Variants in WWOX observed in about 807,000 individuals in gnomAD.
WWOX encodes the protein WW domain-containing oxidoreductase.
A neutral mutation model predicts 46.2 loss-of-function variants in WWOX; 69 were observed. That is an observed-to-expected ratio of 1.49 (90% confidence interval 1.23 to 1.82). The LOEUF is 1.82. Among genes scored for constraint, WWOX ranks in the 40% most tolerant of loss-of-function variants. The pLI, the probability that WWOX is intolerant of heterozygous loss-of-function variation, is 0.00. For missense variants in WWOX, 919 were observed against 542.6 expected, an observed-to-expected ratio of 1.69 and a Z score of -6.89; for synonymous variants, 359 against 202.6, an observed-to-expected ratio of 1.77 and a Z score of -6.56.
intron 6 of WWOX, among the ~76,000 whole-genome samples, chr16:78,389,726 A>G (rs2082139251): frequency 6.6e-6 from 1 of 152,046 alleles, no homozygotes; most frequent in East Asian, 1.9e-4. Context: ...TGACCACCGT[A>G]CTATACTGTG....
chr16:78,335,149 C>CCAGTCTAAACTAGTCTAAAGTTT (rs2080858806), intron 5 of WWOX, among the ~76,000 whole-genome samples: 1 of 151,946 alleles, frequency 6.6e-6, no homozygotes, highest in South Asian at 2.1e-4. Flanking sequence ...ACTTTAAGTT[C>CCAGTCTAAACTAGTCTAAAGTTT]CAGGGTACAT....
chr16:78,279,479 A>T (rs1474700774), intron 5 of WWOX, among the ~76,000 whole-genome samples: 1 of 152,158 alleles, frequency 6.6e-6, no homozygotes, highest in Non-Finnish European at 1.5e-5. Flanking sequence ...TTCTGAGGTT[A>T]ATTATTACCC....
At chr16:78,471,483 T>A (rs1240129182) in intron 8 of WWOX, among the ~76,000 whole-genome samples, 1 of 152,208 alleles carries the variant, frequency 6.6e-6, no homozygotes, top group Non-Finnish European at 1.5e-5. Flanking sequence ...TTCTCCATCG[T>A]TTGGATCTTT....
intron 8 of WWOX, among the ~76,000 whole-genome samples, chr16:79,068,040 G>A (rs180886751): frequency 6.6e-6 from 1 of 152,088 alleles, no homozygotes; most frequent in East Asian, 1.9e-4. Flanking sequence ...CCTTGGCCAT[G>A]GTCAGTCTTT....
rs151119153 is a variant in WWOX at position 78,763,733 on chromosome 16, A to G, written c.1056+330981A>G. ...TTTGGTATTCACGAGTTTTGTCTCA[A>G]TTCCTTTTGATTCTTCTTTTCACCC... On this transcript the variant is annotated intron_variant, in intron 8 of 8. Coordinates refer to ENST00000566780, the MANE Select transcript of WWOX (RefSeq NM_016373.4). Among the ~76,000 whole-genome samples the G allele has an allele frequency of 1.2e-3, 189 of 152,266 alleles. 1 individual carries two copies. The highest frequency in any genetic ancestry group is 4.1e-3 in the African/African-American group (169 of 41,556).
intron 8 of WWOX, among the ~76,000 whole-genome samples, chr16:78,594,796 G>A (rs779655298): frequency 2.6e-5 from 4 of 152,078 alleles, no homozygotes; most frequent in South Asian, 2.1e-4. Flanking sequence ...AAACTCTATA[G>A]CCTCAGTCTC....
chr16:78,379,672 C>G (rs556711373), intron 5 of WWOX, among the ~76,000 whole-genome samples: 24 of 152,262 alleles, frequency 1.6e-4, no homozygotes, highest in South Asian at 1.2e-3. Context: ...GGGCAGCAGA[C>G]CAACTACTTG....
chr16:78,384,064 C>G (rs185975245), intron 5 of WWOX, among the ~76,000 whole-genome samples: 104 of 152,246 alleles, frequency 6.8e-4, no homozygotes, highest in African/African-American at 2.5e-3. Flanking sequence ...TGTTGAAATA[C>G]TGCTTTGGGG....
chr16:79,188,543 TCTC>T (rs756017944), intron 8 of WWOX, among the ~76,000 whole-genome samples: 5 of 152,156 alleles, frequency 3.3e-5, no homozygotes, highest in Non-Finnish European at 7.4e-5. Flanking sequence ...TCAGAATCAT[TCTC>T]CTTTTGTTTC....
chr16:78,981,230 A>G (rs79325740), intron 8 of WWOX, among the ~76,000 whole-genome samples: 1,527 of 152,114 alleles, frequency 0.01, 24 homozygotes, highest in African/African-American at 0.035. Context: ...CTTTGCCCAC[A>G]TCTCCCAACT....
chr16:79,091,438 C>G (rs147970590), intron 8 of WWOX, among the ~76,000 whole-genome samples: 1 of 152,176 alleles, frequency 6.6e-6, no homozygotes, highest in Non-Finnish European at 1.5e-5. Context: ...AGCTTCCCCA[C>G]TGGGTGTTCA....
intron 8 of WWOX, among the ~76,000 whole-genome samples, chr16:78,810,934 T>C (rs1044558912): frequency 1.3e-5 from 2 of 150,972 alleles, no homozygotes; most frequent in Non-Finnish European, 3.0e-5. Context: ...TAGAAAATAC[T>C]GCAGGCAGAG....
chr16:78,827,734 G>A (rs1035062116), intron 8 of WWOX, among the ~76,000 whole-genome samples: 2 of 152,140 alleles, frequency 1.3e-5, no homozygotes, highest in African/African-American at 2.4e-5. Flanking sequence ...CCAGCTACTT[G>A]GGAGGCTAAG....
At chr16:78,734,813 C>T (rs2049046539) in intron 8 of WWOX, among the ~76,000 whole-genome samples, 1 of 134,650 alleles carries the variant, frequency 7.4e-6, no homozygotes. Context: ...ACTCCTTCTG[C>T]CTGATGACTC....
chr16:78,935,394 C>G (rs532900889), intron 8 of WWOX, among the ~76,000 whole-genome samples: 2 of 152,138 alleles, frequency 1.3e-5, no homozygotes, highest in South Asian at 4.2e-4. Flanking sequence ...GAAAATGTGG[C>G]ACATATACAC....
chr16:78,413,862 C>T (rs1285704937), intron 6 of WWOX, among the ~76,000 whole-genome samples: 1 of 151,866 alleles, frequency 6.6e-6, no homozygotes, highest in Non-Finnish European at 1.5e-5. Flanking sequence ...TGGCTTACCC[C>T]TGTAATCCCA....
chr16:78,599,723 G>A (rs953672796), intron 8 of WWOX, among the ~76,000 whole-genome samples: 1 of 152,186 alleles, frequency 6.6e-6, no homozygotes, highest in African/African-American at 2.4e-5. Flanking sequence ...AGGAAGTGGG[G>A]TGTGGGCAAC....
intron 8 of WWOX, among the ~76,000 whole-genome samples, chr16:79,013,451 C>G (rs2047352385): frequency 6.6e-6 from 1 of 152,094 alleles, no homozygotes; most frequent in African/African-American, 2.4e-5. Flanking sequence ...TTCTTTGTTT[C>G]TCTTTTTCTG....
chr16:78,790,917 G>A lies in WWOX; in HGVS notation c.1056+358165G>A, dbSNP rs548872033. Among the ~76,000 whole-genome samples, 7 of 150,230 alleles carry A rather than the reference G, an allele frequency of 4.7e-5. No individual in the cohort carries two copies. The South Asian group carries it at 1.5e-3, about 32-fold the overall frequency. On this transcript the variant is annotated intron_variant, in intron 8 of 8. Coordinates refer to ENST00000566780, the MANE Select transcript of WWOX (RefSeq NM_016373.4). ...GCTTGTGGTCCCAGCTACTCAGGAG[G>A]CTGAGGTGGGAGGATCACCTGAGCC...
Sources: allele counts gnomAD v4.1 joint callset (sites outside exome capture counted in the v4.1 genomes callset), GRCh38; gene constraint gnomAD v4.1.1; transcripts MANE v1.5; gene names NCBI Gene and HGNC (gene_info 2026-07-23, HGNC 2026-07-21).